Variants in HSPA4L observed in about 807,000 individuals in gnomAD.
The protein encoded by HSPA4L is heat shock 70 kDa protein 4L.
In HSPA4L, 48 loss-of-function variants were observed where a neutral mutation model predicts 100.3. The observed-to-expected ratio is 0.48, with a 90% CI of 0.38 to 0.61. HSPA4L has a LOEUF of 0.61. Among genes scored for constraint, HSPA4L ranks in the 20% least tolerant of loss-of-function variants. The probability of loss-of-function intolerance (pLI) is 0.00; values close to 1 mark genes in which losing one functional copy is unlikely to be tolerated. For missense variants in HSPA4L, 886 were observed against 988.6 expected, an observed-to-expected ratio of 0.90 and a Z score of 1.39; for synonymous variants, 319 against 328.2, an observed-to-expected ratio of 0.97 and a Z score of 0.30.
rs1210531306 is a variant in HSPA4L, at chr4:127,836,241, C to G, written c.*3367C>G. 1 of 152,746 alleles carries G rather than the reference C, an allele frequency of 6.5e-6. No individual in the cohort carries two copies. The highest frequency in any genetic ancestry group is 2.4e-5 in the African/African-American group (1 of 41,394). 9.5% of individuals were successfully genotyped at this position (152,746 alleles called of 1,614,324 possible). ...AATTAGCTGGGCATGGTGGCGGGCGCCGGTAGTCCCAGCTACTCAGGAGGC... is the reference window on the plus strand; with the variant it reads ...AATTAGCTGGGCATGGTGGCGGGCGGCGGTAGTCCCAGCTACTCAGGAGGC... On this transcript the variant is annotated 3_prime_UTR_variant, in exon 19 of 19. Coordinates refer to ENST00000296464, the MANE Select transcript of HSPA4L (RefSeq NM_014278.4).
intron 1 of HSPA4L, 130 bp from the exon 2 acceptor site, chr4:127,793,947 A>G: frequency 3.7e-6 from 2 of 546,032 alleles, no homozygotes; most frequent in Non-Finnish European, 6.3e-6. Flanking sequence ...TTTGATTTGC[A>G]TAACCTATTT....
Position 127,834,807 on chromosome 4 carries a change from A to T in HSPA4L, c.*1933A>T, listed in dbSNP as rs1734166802. On this transcript the variant is annotated 3_prime_UTR_variant, in exon 19 of 19. Transcript: ENST00000296464. ...AAACTTCCTGGGAGTAAATATGGGAACAACTTTTCTATTAATACATCTAAA... is the reference window on the plus strand; with the variant it reads ...AAACTTCCTGGGAGTAAATATGGGATCAACTTTTCTATTAATACATCTAAA... The T allele has an allele frequency of 6.6e-6, 1 of 152,192 alleles. No homozygotes were observed. Among genetic ancestry groups the T allele is most frequent in the African/African-American group, 2.4e-5 (1 of 41,460 alleles). The allele number at this position is 152,192 out of a possible 1,614,324, so 9.4% of individuals were successfully genotyped here.
At chr4:127,804,141 C>A in intron 8 of HSPA4L, 54 bp downstream of exon 8, 2 of 1,327,838 alleles carry the variant, frequency 1.5e-6, no homozygotes, top group South Asian at 1.3e-5. Context: ...GCCTACTTAG[C>A]GGGGGTAGAT....
chr4:127,782,680 AC>A, intron 1 of HSPA4L, 23 bp downstream of exon 1: 1 of 1,514,558 alleles, frequency 6.6e-7, no homozygotes, highest in Non-Finnish European at 9.1e-7. Flanking sequence ...GCTGAGCATC[AC>A]CTCGACCCTA....
chr4:127,782,270 G>A, upstream of HSPA4L: 1 of 442,580 alleles, frequency 2.3e-6, no homozygotes, highest in Admixed American at 3.8e-5. Context: ...CCGGGCAGCC[G>A]AGCGCGCAGG....
chr4:127,813,304 A>G (rs957430181), intron 12 of HSPA4L: 5 of 670,138 alleles, frequency 7.5e-6, no homozygotes, highest in African/African-American at 5.5e-5. Context: ...TTTTGTTTTT[A>G]TTAATAATTA....
chr4:127,813,698 A>C (rs535387287), intron 12 of HSPA4L, among the ~76,000 whole-genome samples: 2 of 152,308 alleles, frequency 1.3e-5, no homozygotes, highest in South Asian at 2.1e-4. Flanking sequence ...GCTGGAGTGC[A>C]GTGGCACAAT....
rs932547451 is a variant in HSPA4L, at chr4:127,801,206, T to C, written c.498T>C (p.Asn166=). ...CTGCAGCCCAGGTTGCAGGCTTAAATTGTTTAAGGTTGATGAATGAAACTA... is the reference window on the plus strand; with the variant it reads ...CTGCAGCCCAGGTTGCAGGCTTAAACTGTTTAAGGTTGATGAATGAAACTA... ...VMAAAQVAGL[N]CLRLMNETTA... The change falls in exon 5 of 19, where the codon AAT becomes AAC. Residue 166 remains asparagine, a synonymous_variant. Transcript: ENST00000296464. 3 of 1,612,078 alleles carry C rather than the reference T, an allele frequency of 1.9e-6. No individual in the cohort carries two copies. The African/African-American group carries it at 4.0e-5, about 22-fold the overall frequency.
Position 127,835,859 on chromosome 4 carries a change from G to C in HSPA4L, c.*2985G>C, listed in dbSNP as rs1734194304. On this transcript the variant is annotated 3_prime_UTR_variant, in exon 19 of 19. Transcript: ENST00000296464. ...AGCACTTTGAGAGGCTAAGAAGGGA[G>C]GATCACTTGAACCCAGGAGTTCAAG... 1 of 151,794 alleles carries C rather than the reference G, an allele frequency of 6.6e-6. No individual in the cohort carries two copies. The highest frequency in any genetic ancestry group is 1.5e-5 in the Non-Finnish European group (1 of 68,034). The allele number at this position is 151,794 out of a possible 1,614,324, so 9.4% of individuals were successfully genotyped here. A position where few individuals can be genotyped will look rare whatever the true frequency, so the allele number is the denominator to read the frequency against.
rs1006041655 is a variant in HSPA4L, at chr4:127,790,564, C to T, written c.108-3513C>T. Among the ~76,000 whole-genome samples, 6 of 152,280 alleles carry T rather than the reference C, an allele frequency of 3.9e-5. No homozygotes were observed. The South Asian group carries it at 1.2e-3, about 32-fold the overall frequency. On this transcript the variant is annotated intron_variant, in intron 1 of 18. Coordinates refer to ENST00000296464, the MANE Select transcript of HSPA4L (RefSeq NM_014278.4). The stretch of plus-strand genomic sequence containing the variant: ...CCAAATCACAACTAAAGACTAGTAA[C>T]TTCCATTTCCTCTTTAATTTGACCA...
At chr4:127,828,414 A>G (rs548422486) in intron 17 of HSPA4L, among the ~76,000 whole-genome samples, 2 of 152,244 alleles carry the variant, frequency 1.3e-5, no homozygotes, top group South Asian at 2.1e-4. Flanking sequence ...TATCCTATAC[A>G]AAGTTAATGC....
intron 10 of HSPA4L, 57 bp downstream of exon 10, chr4:127,805,850 C>A: frequency 8.6e-7 from 1 of 1,157,290 alleles, no homozygotes; most frequent in Non-Finnish European, 1.2e-6. Context: ...CCCAGTTAAA[C>A]CTACTTTTCT....
At chr4:127,814,033 A>ATAT (rs1030585063) in intron 12 of HSPA4L, among the ~76,000 whole-genome samples, 1 of 152,158 alleles carries the variant, frequency 6.6e-6, no homozygotes, top group African/African-American at 2.4e-5. Context: ...TACAACAAGA[A>ATAT]TATTATGGTA....
intron 11 of HSPA4L, 126 bp from the exon 12 acceptor site, chr4:127,811,311 A>T (rs1379358748): frequency 4.4e-6 from 3 of 687,184 alleles, no homozygotes; most frequent in Non-Finnish European, 7.6e-6. Context: ...ATCAATCAGG[A>T]TATGATCATA....
chr4:127,782,831 G>A (rs1732602359), intron 1 of HSPA4L, among the ~76,000 whole-genome samples, 174 bp downstream of exon 1: 1 of 151,878 alleles, frequency 6.6e-6, no homozygotes, highest in African/African-American at 2.4e-5. Context: ...GTGGCAGTCG[G>A]ACTTCCTCGC....
At chr4:127,790,350 T>A (rs1278552024) in intron 1 of HSPA4L, among the ~76,000 whole-genome samples, 1 of 152,176 alleles carries the variant, frequency 6.6e-6, no homozygotes, top group Non-Finnish European at 1.5e-5. Flanking sequence ...GGCTGAGAAA[T>A]GGCAAACGCA....
chr4:127,828,815 C>G (rs1270459163), intron 17 of HSPA4L, among the ~76,000 whole-genome samples: 2 of 152,078 alleles, frequency 1.3e-5, no homozygotes, highest in Non-Finnish European at 2.9e-5. Flanking sequence ...GGTATAATTA[C>G]TAGTGTCACA....
rs78713850 is a variant in HSPA4L, at chr4:127,782,915, A to G, written c.107+258A>G. Among the ~76,000 whole-genome samples the G allele has an allele frequency of 1.3e-3, 194 of 152,166 alleles. 4 individuals are homozygous for G. The East Asian group carries it at 0.028, about 22-fold the overall frequency. ...GCAGCTCTCTTTTCTGTACCTACGC[A>G]CGTCCCCTGCCTCGTGCCGCTGTCC... On this transcript the variant is annotated intron_variant, in intron 1 of 18. Coordinates refer to ENST00000296464, the MANE Select transcript of HSPA4L (RefSeq NM_014278.4).
At chr4:127,822,568 C>G (rs1211805782) in intron 14 of HSPA4L, among the ~76,000 whole-genome samples, 2 of 152,102 alleles carry the variant, frequency 1.3e-5, no homozygotes, top group African/African-American at 4.8e-5. Flanking sequence ...TGAGGGACAG[C>G]CAAAACGTTT....
Sources: gnomAD v4.1 joint callset for allele counts (sites outside exome capture counted in the v4.1 genomes callset) on GRCh38, gnomAD v4.1.1 for gene constraint, MANE v1.5 for transcripts, NCBI Gene and HGNC (gene_info 2026-07-23, HGNC 2026-07-21) for gene names.